Variants in FSD1L observed in about 807,000 individuals in gnomAD.
The protein encoded by FSD1L is fibronectin type III and SPRY domain containing 1 like, also known as FSD1-like protein.
Under a neutral mutation model 71.6 loss-of-function variants are expected in FSD1L, and 45 were observed. The ratio of observed to expected loss-of-function variants is 0.63; its 90% CI spans 0.49 to 0.81. The LOEUF (loss-of-function observed/expected upper bound fraction) is 0.81, where lower values mean the gene tolerates loss of function less well. FSD1L is among the 30% of genes least tolerant of loss of function. The pLI, the probability that FSD1L is intolerant of heterozygous loss-of-function variation, is 0.00. For missense variants in FSD1L, 561 were observed against 618.1 expected, an observed-to-expected ratio of 0.91 and a Z score of 0.98; for synonymous variants, 197 against 207.2, an observed-to-expected ratio of 0.95 and a Z score of 0.42.
rs1829735217 is a variant in FSD1L, at chr9:105,448,116, C to T, written c.-105C>T. 3.2e-6 allele frequency: 4 copies of T among 1,251,822 alleles called. No individual in the cohort carries two copies. In the South Asian group the frequency reaches 3.9e-5, roughly 12 times the overall value. 77.5% of individuals were successfully genotyped at this position (1,251,822 alleles called of 1,614,324 possible). A position where few individuals can be genotyped will look rare whatever the true frequency, so the allele number is the denominator to read the frequency against. On this transcript the variant is annotated 5_prime_UTR_variant, in exon 1 of 14. Transcript: ENST00000481272. ...TGGGGCCGGGCGGTGCCGGTGCGGG[C>T]TGGGGCAGTGCAGTGAGTAGCGGTC...
intron 7 of FSD1L, among the ~76,000 whole-genome samples, chr9:105,505,329 C>T (rs531547680): frequency 1.3e-5 from 2 of 152,304 alleles, no homozygotes; most frequent in South Asian, 4.1e-4. Flanking sequence ...GGCACGATCT[C>T]GGCTCACTGC....
At chr9:105,454,801 A>G (rs1830265249) in intron 1 of FSD1L, among the ~76,000 whole-genome samples, 1 of 152,194 alleles carries the variant, frequency 6.6e-6, no homozygotes, top group African/African-American at 2.4e-5. Context: ...AGCATTCCCC[A>G]GCCAGTTCTT....
At chr9:105,514,426 T>G (rs1293957327) in intron 10 of FSD1L, among the ~76,000 whole-genome samples, 1 of 152,224 alleles carries the variant, frequency 6.6e-6, no homozygotes, top group African/African-American at 2.4e-5. Flanking sequence ...ATTTGTTTGC[T>G]GTAGGATGTC....
chr9:105,529,215 C>T lies in FSD1L; in HGVS notation c.1026-5278C>T, dbSNP rs1335800814. ...TCAACCATTGTTGAAGACAGTGTGGCGATTCCTCAAGGATCTAGAACTAGA... is the reference window on the plus strand; with the variant it reads ...TCAACCATTGTTGAAGACAGTGTGGTGATTCCTCAAGGATCTAGAACTAGA... On this transcript the variant is annotated intron_variant, in intron 10 of 13. Transcript: ENST00000481272. Among the ~76,000 whole-genome samples, 7 of 152,078 alleles carry T rather than the reference C, an allele frequency of 4.6e-5. No homozygotes were observed. The East Asian group carries it at 7.7e-4, about 17-fold the overall frequency.
chr9:105,443,770 A>T (rs1829583042), upstream of FSD1L, among the ~76,000 whole-genome samples: 3 of 151,460 alleles, frequency 2.0e-5, no homozygotes, highest in African/African-American at 7.3e-5. Flanking sequence ...TGTCTCTGTT[A>T]AAAAAAAATC....
intron 1 of FSD1L, among the ~76,000 whole-genome samples, chr9:105,449,543 G>A (rs967276261): frequency 1.4e-4 from 22 of 152,196 alleles, no homozygotes; most frequent in African/African-American, 5.3e-4. Context: ...CTAGCTCTGT[G>A]ATAAGGAGCA....
At chr9:105,495,511 C>G (rs1311013295) in intron 7 of FSD1L, among the ~76,000 whole-genome samples, 2 of 152,168 alleles carry the variant, frequency 1.3e-5, no homozygotes, top group Non-Finnish European at 2.9e-5. Flanking sequence ...CACCCACTGT[C>G]CTGCGCCCAC....
Position 105,534,610 on chromosome 9 carries a change from T to TTA in FSD1L, c.1126+18_1126+19insAT. Reference sequence around the variant, plus strand: ...CAGTGCTGGGTAGGACAAAACATAATTGTTTTTCATTATCTCAGATTAAAG... The same window carrying TTA: ...CAGTGCTGGGTAGGACAAAACATAATTATGTTTTTCATTATCTCAGATTAAAG... On this transcript the variant is annotated intron_variant, in intron 11 of 13. Coordinates refer to ENST00000481272, the MANE Select transcript of FSD1L (RefSeq NM_001145313.3). 1.5e-6 allele frequency: 2 copies of TTA among 1,363,610 alleles called. No individual in the cohort carries two copies. The highest frequency in any genetic ancestry group is 2.0e-6 in the Non-Finnish European group (2 of 983,764). The allele number at this position is 1,363,610 out of a possible 1,614,324, so 84.5% of individuals were successfully genotyped here. A position where few individuals can be genotyped will look rare whatever the true frequency, so the allele number is the denominator to read the frequency against.
At chr9:105,453,002 G>T (rs1400519648) in intron 1 of FSD1L, among the ~76,000 whole-genome samples, 1 of 148,902 alleles carries the variant, frequency 6.7e-6, no homozygotes, top group East Asian at 2.0e-4. Context: ...CTCCTAAAGT[G>T]CTGGGATTAT....
At chr9:105,491,449 G>A (rs1290616580) in intron 7 of FSD1L, among the ~76,000 whole-genome samples, 2 of 152,094 alleles carry the variant, frequency 1.3e-5, no homozygotes, top group African/African-American at 2.4e-5. Context: ...TGCAAACAGG[G>A]ACAATTTGAC....
intron 7 of FSD1L, among the ~76,000 whole-genome samples, chr9:105,497,931 A>G (rs1589019907): frequency 6.6e-6 from 1 of 151,050 alleles, no homozygotes; most frequent in Non-Finnish European, 1.5e-5. Context: ...GCAGCCTTGA[A>G]CTCCTGGGCT....
intron 10 of FSD1L, chr9:105,525,051 G>A (rs1217741606): frequency 1.0e-5 from 16 of 1,581,182 alleles, no homozygotes; most frequent in East Asian, 6.7e-5. Context: ...ATCATAGTAC[G>A]TGATCTCTCT....
At chr9:105,520,257 G>T in intron 10 of FSD1L, 6 of 1,599,780 alleles carry the variant, frequency 3.8e-6, no homozygotes, top group Non-Finnish European at 5.1e-6. Flanking sequence ...ACTGGCTGAA[G>T]AAGATGCATT....
At chr9:105,521,973 A>G (rs533027794) in intron 10 of FSD1L, 117 of 1,613,066 alleles carry the variant, frequency 7.3e-5, no homozygotes, top group South Asian at 5.3e-4. Context: ...ACAAGTATCA[A>G]TGGACAAAAA....
rs561051175 is a variant in FSD1L at position 105,461,147 on chromosome 9, G to T, written c.16-373G>T. Among the ~76,000 whole-genome samples, 203 of 152,136 alleles carry T rather than the reference G, an allele frequency of 1.3e-3. 1 individual carries two copies. The highest frequency in any genetic ancestry group is 4.3e-3 in the African/African-American group (178 of 41,532). On this transcript the variant is annotated intron_variant, in intron 1 of 13. Coordinates refer to ENST00000481272, the MANE Select transcript of FSD1L (RefSeq NM_001145313.3). ...GCTTTTAGGTCGTTTATTTTTAATTGCAAATTAATAAGATTAATAGAGGAT... is the reference window on the plus strand; with the variant it reads ...GCTTTTAGGTCGTTTATTTTTAATTTCAAATTAATAAGATTAATAGAGGAT...
At chr9:105,498,279 C>T (rs566094661) in intron 7 of FSD1L, among the ~76,000 whole-genome samples, 8 of 150,632 alleles carry the variant, frequency 5.3e-5, no homozygotes, top group Middle Eastern at 3.4e-3. Flanking sequence ...ATCTTCTTTT[C>T]TAATATAATC....
chr9:105,513,498 C>T (rs777715939), intron 10 of FSD1L: 9 of 897,310 alleles, frequency 1.0e-5, no homozygotes, highest in Non-Finnish European at 1.3e-5. Flanking sequence ...GTAATGAATC[C>T]CCAAAAATTC....
intron 1 of FSD1L, among the ~76,000 whole-genome samples, chr9:105,452,200 T>C (rs549842545): frequency 1.3e-5 from 2 of 152,336 alleles, no homozygotes; most frequent in East Asian, 3.9e-4. Context: ...TTTGCCTTCA[T>C]ATTGTACCTT....
intron 13 of FSD1L, among the ~76,000 whole-genome samples, chr9:105,545,758 C>G (rs1013041683): frequency 5.9e-5 from 9 of 151,696 alleles, no homozygotes; most frequent in Non-Finnish European, 1.3e-4. Context: ...CCAGCCTAAG[C>G]AAAGCAGTTT....
Sources: gnomAD v4.1 joint callset for allele counts (sites outside exome capture counted in the v4.1 genomes callset) on GRCh38, gnomAD v4.1.1 for gene constraint, MANE v1.5 for transcripts, NCBI Gene and HGNC (gene_info 2026-07-23, HGNC 2026-07-21) for gene names.